The following SPINK8 variants were observed in gnomAD, a reference collection of about 807,000 sequenced individuals.
The protein encoded by SPINK8 is serine protease inhibitor Kazal-type 8.
A neutral mutation model predicts 14.4 loss-of-function variants in SPINK8; 12 were observed. The observed-to-expected ratio is 0.83, with a 90% confidence interval of 0.53 to 1.35. The LOEUF is 1.35. Among genes scored for constraint, SPINK8 ranks in the 40% most tolerant of loss-of-function variants. The probability of loss-of-function intolerance (pLI) is 0.00; values close to 1 mark genes in which losing one functional copy is unlikely to be tolerated. For synonymous variants in SPINK8, 32 were observed against 37.6 expected (o/e 0.85, Z 0.55); for missense variants, 103 against 117.0 (o/e 0.88, Z 0.55).
rs2036292822 is a variant in SPINK8 at position 48,333,564 on chromosome 3, G to A, written c.-271C>T. ...GTAGCAGTCCTGCACCTGTTTTCCTGCCCTTCTTGACCACAAAGAAAGGGG... is the reference window on the plus strand; with the variant it reads ...GTAGCAGTCCTGCACCTGTTTTCCTACCCTTCTTGACCACAAAGAAAGGGG... On this transcript the variant is annotated 5_prime_UTR_variant, in exon 1 of 8. Transcript: ENST00000434006. 6.6e-6 allele frequency among the ~76,000 whole-genome samples: 1 copy of A among 152,022 alleles called. No homozygotes were observed. The highest frequency in any genetic ancestry group is 1.5e-5 in the Non-Finnish European group (1 of 68,014).
At chr3:48,322,464 T>C (rs2036089043) in intron 4 of SPINK8, among the ~76,000 whole-genome samples, 1 of 151,752 alleles carries the variant, frequency 6.6e-6, no homozygotes, top group Non-Finnish European at 1.5e-5. Flanking sequence ...GCCTTCCAAA[T>C]AGCTGGGATT....
chr3:48,319,732 G>A, intron 5 of SPINK8, 114 bp from the exon 6 acceptor site: 2 of 1,442,658 alleles, frequency 1.4e-6, no homozygotes, highest in Non-Finnish European at 1.9e-6. Context: ...GGAGTTCAGA[G>A]AAAAGGATTC....
intron 7 of SPINK8, among the ~76,000 whole-genome samples, chr3:48,309,694 CAG>C (rs930520940): frequency 2.0e-5 from 3 of 152,018 alleles, no homozygotes; most frequent in Non-Finnish European, 4.4e-5. Context: ...TCAAAGAAAA[CAG>C]AGAAATAAAA....
intron 4 of SPINK8, among the ~76,000 whole-genome samples, chr3:48,326,999 C>T (rs1210204091): frequency 6.6e-6 from 1 of 152,114 alleles, no homozygotes; most frequent in Non-Finnish European, 1.5e-5. Context: ...ACTCCTGACA[C>T]ATAACCCATG....
At chr3:48,310,974 T>C (rs185815599) in intron 6 of SPINK8, among the ~76,000 whole-genome samples, 15 of 152,176 alleles carry the variant, frequency 9.9e-5, no homozygotes, top group Admixed American at 1.3e-4. Context: ...TGAATACAGA[T>C]GCAAAGATTC....
intron 7 of SPINK8, among the ~76,000 whole-genome samples, chr3:48,308,244 G>A (rs954786489): frequency 1.3e-5 from 2 of 151,910 alleles, no homozygotes; most frequent in African/African-American, 2.4e-5. Flanking sequence ...AAAGTGCTGG[G>A]ATTACAGGCA....
At chr3:48,323,283 TACAGGTGTGC>T (rs2036099001) in intron 4 of SPINK8, among the ~76,000 whole-genome samples, 1 of 152,102 alleles carries the variant, frequency 6.6e-6, no homozygotes, top group African/African-American at 2.4e-5. Context: ...TAGCTGGGAT[TACAGGTGTGC>T]ACCACCACAC....
At chr3:48,325,915 CTTT>C (rs71074233) in intron 4 of SPINK8, among the ~76,000 whole-genome samples, 2 of 141,700 alleles carry the variant, frequency 1.4e-5, no homozygotes, top group Non-Finnish European at 1.5e-5. Flanking sequence ...CTTTTCTTTT[CTTT>C]TTTTTTTTTT....
intron 2 of SPINK8, among the ~76,000 whole-genome samples, chr3:48,331,636 A>G (rs986628189): frequency 1.3e-5 from 2 of 152,098 alleles, no homozygotes; most frequent in African/African-American, 4.8e-5. Flanking sequence ...TCCTAATTCT[A>G]GTGTATAATG....
intron 6 of SPINK8, among the ~76,000 whole-genome samples, chr3:48,310,455 A>G (rs538584598): frequency 4.6e-5 from 7 of 152,226 alleles, no homozygotes; most frequent in South Asian, 4.1e-4. Context: ...TGTCCCGACA[A>G]ACACCAGATG....
At chr3:48,333,444 C>G (rs1344372520) in intron 1 of SPINK8, among the ~76,000 whole-genome samples, 91 bp downstream of exon 1, 1 of 152,144 alleles carries the variant, frequency 6.6e-6, no homozygotes, top group Non-Finnish European at 1.5e-5. Context: ...GAGCATTAGT[C>G]CTAGAGCGTC....
intron 6 of SPINK8, among the ~76,000 whole-genome samples, chr3:48,314,116 T>C (rs989220912): frequency 4.6e-5 from 7 of 152,284 alleles, no homozygotes; most frequent in Middle Eastern, 6.8e-3. Flanking sequence ...GTCATATGAA[T>C]TTTACCTCAA....
intron 4 of SPINK8, among the ~76,000 whole-genome samples, chr3:48,326,899 A>G (rs1435465259): frequency 6.7e-6 from 1 of 150,206 alleles, no homozygotes; most frequent in Non-Finnish European, 1.5e-5. Flanking sequence ...TAACAGCAAG[A>G]CTCTGTCTCA....
At chr3:48,315,756 A>T (rs912787162) in intron 6 of SPINK8, among the ~76,000 whole-genome samples, 14 of 151,116 alleles carry the variant, frequency 9.3e-5, no homozygotes, top group African/African-American at 3.4e-4. Flanking sequence ...AACTGAAGGA[A>T]ACTGTATGTA....
At chr3:48,324,528 T>C (rs992462011) in intron 4 of SPINK8, among the ~76,000 whole-genome samples, 1 of 152,200 alleles carries the variant, frequency 6.6e-6, no homozygotes, top group Non-Finnish European at 1.5e-5. Context: ...ATAGTAGTGG[T>C]GAGAGCAACG....
chr3:48,332,022 C>A (rs750127987), intron 2 of SPINK8, among the ~76,000 whole-genome samples: 1 of 152,164 alleles, frequency 6.6e-6, no homozygotes, highest in Non-Finnish European at 1.5e-5. Context: ...GGGCAGTGGG[C>A]CTTCCAGTGA....
chr3:48,330,856 C>T (rs1029561143), intron 2 of SPINK8, among the ~76,000 whole-genome samples: 1 of 151,374 alleles, frequency 6.6e-6, no homozygotes, highest in African/African-American at 2.4e-5. Flanking sequence ...TCTCAGTCCC[C>T]GCTCTCAACA....
chr3:48,331,152 A>G (rs1015343968), intron 2 of SPINK8, among the ~76,000 whole-genome samples: 3 of 152,200 alleles, frequency 2.0e-5, no homozygotes, highest in Non-Finnish European at 4.4e-5. Context: ...ATTGAAATGT[A>G]TGGCCTGAAG....
At chr3:48,333,505 A>T (rs2036292430) in intron 1 of SPINK8, among the ~76,000 whole-genome samples, 30 bp downstream of exon 1, 2 of 151,994 alleles carry the variant, frequency 1.3e-5, no homozygotes, top group Non-Finnish European at 2.9e-5. Context: ...CCACCCACGG[A>T]CCTCTGCTTA....
Sources: allele counts gnomAD v4.1 joint callset (sites outside exome capture counted in the v4.1 genomes callset), GRCh38; gene constraint gnomAD v4.1.1; transcripts MANE v1.5; gene names NCBI Gene and HGNC (gene_info 2026-07-23, HGNC 2026-07-21).